MVB12B: variants seen among roughly 807,000 people sequenced by gnomAD.
MVB12B encodes multivesicular body subunit 12B.
In MVB12B, 16 loss-of-function variants were observed where a neutral mutation model predicts 41.6. That is an observed-to-expected ratio of 0.38 (90% CI 0.26 to 0.58). The LOEUF is 0.58. Ranked by LOEUF, MVB12B falls within the 20% of genes least tolerant of loss-of-function variation. MVB12B has a pLI of 0.62. For synonymous variants in MVB12B, 133 were observed against 139.7 expected (o/e 0.95, Z 0.34); for missense variants, 274 against 380.2 (o/e 0.72, Z 2.32).
In MVB12B at chr9:126,333,109, C is replaced by T. The variant is rs563595699; in HGVS notation, c.81+6099C>T. Among the ~76,000 whole-genome samples the T allele has an allele frequency of 1.4e-4, 21 of 152,150 alleles. No individual in the cohort carries two copies. In the South Asian group the frequency reaches 4.2e-3, roughly 30 times the overall value. ...TGTTTTGTTTTGTTTTTTTTTGAGACAGACTCTCACTCTGTCACCCAGGCT... is the reference window on the plus strand; with the variant it reads ...TGTTTTGTTTTGTTTTTTTTTGAGATAGACTCTCACTCTGTCACCCAGGCT... On this transcript the variant is annotated intron_variant, in intron 1 of 9. Transcript: ENST00000361171. This position sits in a 1 kb window ranked among gnomAD's most constrained non-coding sequence, Gnocchi z 4.7.
At chr9:126,378,710 C>G (rs770492004) in intron 2 of MVB12B, among the ~76,000 whole-genome samples, 15 of 152,026 alleles carry the variant, frequency 9.9e-5, no homozygotes, top group Non-Finnish European at 1.8e-4. Flanking sequence ...CACACTTCCA[C>G]GTCATTGCAA....
Position 126,420,461 on chromosome 9 carries a change from C to T in MVB12B, c.663-1393C>T, listed in dbSNP as rs114071872. On this transcript the variant is annotated intron_variant, in intron 6 of 9. Coordinates refer to ENST00000361171, the MANE Select transcript of MVB12B (RefSeq NM_033446.3). The stretch of plus-strand genomic sequence containing the variant: ...TAGCAGACCCAATACCTTCACAGCC[C>T]TTGGTGCTCATCTTGCCCCTGGAAG... Among the ~76,000 whole-genome samples the T allele has an allele frequency of 3.8e-3, 573 of 152,200 alleles. 6 individuals carry two copies. Among genetic ancestry groups the T allele is most frequent in the African/African-American group, 0.013 (543 of 41,498 alleles).
chr9:126,495,606 G>A (rs936291069), intron 9 of MVB12B, among the ~76,000 whole-genome samples: 12 of 152,250 alleles, frequency 7.9e-5, no homozygotes, highest in South Asian at 4.2e-4. Flanking sequence ...CCAGCTGGGC[G>A]CCGTGTAGGG....
At chr9:126,383,825 C>G (rs991693919) in intron 3 of MVB12B, among the ~76,000 whole-genome samples, 8 of 151,872 alleles carry the variant, frequency 5.3e-5, no homozygotes, top group African/African-American at 1.9e-4. Flanking sequence ...TGCAGCCTCC[C>G]ATTTTGTATG....
intron 6 of MVB12B, chr9:126,397,700 T>A: frequency 1.0e-6 from 1 of 953,296 alleles, no homozygotes; most frequent in Non-Finnish European, 1.2e-6. Context: ...CCATCAGGGT[T>A]TTTTGGTTTT....
At chr9:126,424,371 C>T (rs1832110796) in intron 7 of MVB12B, among the ~76,000 whole-genome samples, 1 of 152,102 alleles carries the variant, frequency 6.6e-6, no homozygotes, top group South Asian at 2.1e-4. Flanking sequence ...GATATGTAGT[C>T]CCATCCCTGG....
chr9:126,395,814 T>C lies in MVB12B; in HGVS notation c.662+117T>C. 1 of 1,510,166 alleles carries C rather than the reference T, an allele frequency of 6.6e-7. No homozygotes were observed. 93.5% of individuals were successfully genotyped at this position (1,510,166 alleles called of 1,614,324 possible). A position where few individuals can be genotyped will look rare whatever the true frequency, so the allele number is the denominator to read the frequency against. Reference sequence around the variant, plus strand: ...ACTGCAAAGTACAGCTGAATAATTGTAGAAGCAATATATCTTTAGAGGAGA... The same window carrying C: ...ACTGCAAAGTACAGCTGAATAATTGCAGAAGCAATATATCTTTAGAGGAGA... On this transcript the variant is annotated intron_variant, in intron 6 of 9. Transcript: ENST00000361171. This position sits in a 1 kb window ranked among gnomAD's most constrained non-coding sequence, Gnocchi z 4.9.
chr9:126,348,564 C>T (rs755295321), intron 2 of MVB12B, among the ~76,000 whole-genome samples: 35 of 152,270 alleles, frequency 2.3e-4, no homozygotes, highest in Non-Finnish European at 4.1e-4. Context: ...TGACTTGTTC[C>T]GTAGTTGATT....
intron 2 of MVB12B, among the ~76,000 whole-genome samples, chr9:126,377,163 A>G (rs1474863206): frequency 6.6e-6 from 1 of 152,220 alleles, no homozygotes; most frequent in African/African-American, 2.4e-5. Context: ...AACCATGTGT[A>G]CATTCCGCCA....
At chr9:126,434,184 C>T (rs1388294956) in intron 7 of MVB12B, among the ~76,000 whole-genome samples, 1 of 152,144 alleles carries the variant, frequency 6.6e-6, no homozygotes, top group African/African-American at 2.4e-5. Flanking sequence ...GCCCTGAATA[C>T]TGAATGGCTT....
At chr9:126,498,923 G>A (rs76467187) in intron 9 of MVB12B, among the ~76,000 whole-genome samples, 3 of 152,304 alleles carry the variant, frequency 2.0e-5, no homozygotes, top group East Asian at 3.9e-4. Context: ...TCCCCGTGCC[G>A]GTTAAACCAG....
At position 126,395,486 on chromosome 9, in the gene MVB12B, G is replaced by A. The variant is rs2119007851; in HGVS notation, c.540-89G>A. 1 of 1,491,378 alleles carries A rather than the reference G, an allele frequency of 6.7e-7. No individual in the cohort carries two copies. The allele number at this position is 1,491,378 out of a possible 1,614,324, so 92.4% of individuals were successfully genotyped here. On this transcript the variant is annotated intron_variant, in intron 5 of 9. Transcript: ENST00000361171. The surrounding 1 kb of genome is among the most constrained non-coding windows in gnomAD (Gnocchi z 4.9). ...TTGATTCCCTGGTGTTTGAGGCCAT[G>A]ACTCTTTTAAATGAATTGGTTTGCT...
intron 6 of MVB12B, among the ~76,000 whole-genome samples, chr9:126,398,734 C>T (rs923528430): frequency 6.6e-6 from 1 of 151,540 alleles, no homozygotes; most frequent in African/African-American, 2.5e-5. Flanking sequence ...GCTCTTTCGC[C>T]GCAGAGCCCT....
At position 126,459,526 on chromosome 9, in the gene MVB12B, C is replaced by T. The variant is rs563066481; in HGVS notation, c.758-21843C>T. Among the ~76,000 whole-genome samples the T allele has an allele frequency of 5.9e-5, 9 of 152,304 alleles. No individual in the cohort carries two copies. The highest frequency in any genetic ancestry group is 3.9e-4 in the East Asian group (2 of 5,178). The stretch of plus-strand genomic sequence containing the variant: ...ACGAGACCCTCACCCCAGCAGCACG[C>T]GGGCACGCAGCCCACAGCAGCATTT... On this transcript the variant is annotated intron_variant, in intron 7 of 9. Transcript: ENST00000361171. The surrounding 1 kb of genome is among the most constrained non-coding windows in gnomAD (Gnocchi z 4.3).
chr9:126,480,248 G>A lies in MVB12B; in HGVS notation c.758-1121G>A, dbSNP rs1463316079. On this transcript the variant is annotated intron_variant, in intron 7 of 9. Coordinates refer to ENST00000361171, the MANE Select transcript of MVB12B (RefSeq NM_033446.3). This position sits in a 1 kb window ranked among gnomAD's most constrained non-coding sequence, Gnocchi z 4.9. Reference sequence around the variant, plus strand: ...TCATGACCAGGCCCCTAACAACTGCGGCTGCATGTTCCCGACTCTTCCCAG... The same window carrying A: ...TCATGACCAGGCCCCTAACAACTGCAGCTGCATGTTCCCGACTCTTCCCAG... Among the ~76,000 whole-genome samples the A allele has an allele frequency of 1.3e-5, 2 of 152,036 alleles. No homozygotes were observed. The highest frequency in any genetic ancestry group is 1.9e-4 in the East Asian group (1 of 5,180).
At chr9:126,398,841 C>G (rs931398044) in intron 6 of MVB12B, among the ~76,000 whole-genome samples, 1 of 151,870 alleles carries the variant, frequency 6.6e-6, no homozygotes, top group Non-Finnish European at 1.5e-5. Context: ...ACCATGTGCT[C>G]CGCCTCCATT....
chr9:126,435,675 A>C (rs60868964), intron 7 of MVB12B, among the ~76,000 whole-genome samples: 2,635 of 150,544 alleles, frequency 0.018, 58 homozygotes, highest in African/African-American at 0.053. Flanking sequence ...AAAAAAAAAA[A>C]GTTTCTTTCC....
At chr9:126,375,478 G>A (rs1397280045) in intron 2 of MVB12B, among the ~76,000 whole-genome samples, 1 of 141,002 alleles carries the variant, frequency 7.1e-6, no homozygotes, top group Non-Finnish European at 1.5e-5. Context: ...AGAAAGTACA[G>A]TTCTAAATGC....
At chr9:126,405,958 A>C (rs1005110097) in intron 6 of MVB12B, among the ~76,000 whole-genome samples, 7 of 151,314 alleles carry the variant, frequency 4.6e-5, no homozygotes, top group Admixed American at 2.6e-4. Context: ...CTACACACAC[A>C]GAGATAGATA....
Sources: allele counts gnomAD v4.1 joint callset (sites outside exome capture counted in the v4.1 genomes callset), GRCh38; gene constraint gnomAD v4.1.1; non-coding constraint Gnocchi (gnomAD v3.1); transcripts MANE v1.5; gene names NCBI Gene and HGNC (gene_info 2026-07-23, HGNC 2026-07-21).